FUT8: variants seen among roughly 807,000 people sequenced by gnomAD.
The protein encoded by FUT8 is fucosyltransferase 8.
A neutral mutation model predicts 71.3 loss-of-function variants in FUT8; 29 were observed. That is an observed-to-expected ratio of 0.41 (90% CI 0.30 to 0.55). FUT8 has a LOEUF of 0.55. Ranked by LOEUF, FUT8 falls within the 20% of genes least tolerant of loss-of-function variation. The probability of loss-of-function intolerance (pLI) is 0.34; values close to 1 mark genes in which losing one functional copy is unlikely to be tolerated. For synonymous variants in FUT8, 254 were observed against 239.3 expected (o/e 1.06, Z -0.57); for missense variants, 544 against 702.1 (o/e 0.77, Z 2.55).
Position 65,561,373 on chromosome 14 carries a change from C to T in FUT8, c.-191C>T. 1 of 602,864 alleles carries T rather than the reference C, an allele frequency of 1.7e-6. No individual in the cohort carries two copies. Among genetic ancestry groups the T allele is most frequent in the South Asian group, 2.0e-5 (1 of 49,346 alleles). The allele number at this position is 602,864 out of a possible 1,614,324, so 37.3% of individuals were successfully genotyped here. On this transcript the variant is annotated 5_prime_UTR_variant, in exon 3 of 11. Coordinates refer to ENST00000673929, the MANE Select transcript of FUT8 (RefSeq NM_001371533.1). Reference sequence around the variant, plus strand: ...CATGAAGTACAGGACAATAAAGCTTCCTACACATATCACCAGGAGGATCTC... The same window carrying T: ...CATGAAGTACAGGACAATAAAGCTTTCTACACATATCACCAGGAGGATCTC...
chr14:65,694,992 A>G (rs1893917131), intron 7 of FUT8, among the ~76,000 whole-genome samples: 1 of 152,116 alleles, frequency 6.6e-6, no homozygotes, highest in Admixed American at 6.5e-5. Context: ...ATGTATACAT[A>G]TGTAACTAAC....
At chr14:65,509,591 T>A (rs893560493) in intron 2 of FUT8, among the ~76,000 whole-genome samples, 1 of 152,174 alleles carries the variant, frequency 6.6e-6, no homozygotes, top group African/African-American at 2.4e-5. Context: ...CTCTTCAATT[T>A]CTTTCATCAA....
chr14:65,610,784 A>G (rs1888846099), intron 3 of FUT8, among the ~76,000 whole-genome samples: 1 of 151,790 alleles, frequency 6.6e-6, no homozygotes, highest in Non-Finnish European at 1.5e-5. Context: ...ATTTTGTTTA[A>G]AAAAAATTTT....
the FUT8 span, among the ~76,000 whole-genome samples, chr14:65,361,574 G>T: frequency 6.6e-6 from 1 of 151,624 alleles, no homozygotes; most frequent in Non-Finnish European, 1.5e-5. Context: ...GATCACCTGA[G>T]GTCAGGAGTT....
intron 7 of FUT8, among the ~76,000 whole-genome samples, chr14:65,702,074 G>A (rs991429363): frequency 2.0e-5 from 3 of 152,214 alleles, no homozygotes; most frequent in African/African-American, 7.2e-5. Context: ...GGCCGGGCGT[G>A]GTGGCTCACG....
chr14:65,740,700 A>G lies in FUT8; in HGVS notation c.1411-1393A>G, dbSNP rs1035771563. ...GGGAGGTGCCACATATTTTTAAACAATCAGATCTCACGAGAACTCACTACT... is the reference window on the plus strand; with the variant it reads ...GGGAGGTGCCACATATTTTTAAACAGTCAGATCTCACGAGAACTCACTACT... On this transcript the variant is annotated intron_variant, in intron 10 of 10. Coordinates refer to ENST00000673929, the MANE Select transcript of FUT8 (RefSeq NM_001371533.1). 9.9e-5 allele frequency among the ~76,000 whole-genome samples: 15 copies of G among 152,038 alleles called. 1 individual carries two copies. The highest frequency in any genetic ancestry group is 3.4e-4 in the African/African-American group (14 of 41,504).
rs577453151 is a variant in FUT8, at chr14:65,650,179, A to G, written c.598-19064A>G. On this transcript the variant is annotated intron_variant, in intron 6 of 10. Coordinates refer to ENST00000673929, the MANE Select transcript of FUT8 (RefSeq NM_001371533.1). ...CCGGGCGTGGTGGCACGCGCCTGTA[A>G]TCCCAGCTACTCGGGAGGCTGAGGC... Among the ~76,000 whole-genome samples the G allele has an allele frequency of 1.2e-4, 18 of 151,906 alleles. No individual in the cohort carries two copies. In the South Asian group the frequency reaches 2.9e-3, roughly 25 times the overall value.
chr14:65,732,421 C>G (rs1535173), intron 9 of FUT8, among the ~76,000 whole-genome samples: 55,523 of 152,090 alleles, frequency 0.37, 12,358 homozygotes, highest in Non-Finnish European at 0.5. Context: ...TTTTGGAATA[C>G]TGTTTGGAAG....
chr14:65,554,063 A>G (rs1436220864), intron 2 of FUT8, among the ~76,000 whole-genome samples: 1 of 152,062 alleles, frequency 6.6e-6, no homozygotes, highest in Non-Finnish European at 1.5e-5. Flanking sequence ...ATATTATACT[A>G]CAGCTTTAAA....
intron 2 of FUT8, among the ~76,000 whole-genome samples, chr14:65,507,109 G>C (rs562078300): frequency 4.6e-5 from 7 of 152,288 alleles, no homozygotes; most frequent in African/African-American, 1.7e-4. Context: ...GACTTTCCAA[G>C]TAAAAAGCCC....
chr14:65,661,297 G>A (rs1891951234), intron 6 of FUT8, among the ~76,000 whole-genome samples: 1 of 150,604 alleles, frequency 6.6e-6, no homozygotes, highest in South Asian at 2.1e-4. Flanking sequence ...AGTGGACAGT[G>A]GATCAAGAGC....
At chr14:65,673,848 A>C (rs948623529) in intron 7 of FUT8, among the ~76,000 whole-genome samples, 1 of 152,192 alleles carries the variant, frequency 6.6e-6, no homozygotes, top group Non-Finnish European at 1.5e-5. Context: ...ATTTCAGATG[A>C]CTTTTTTGTT....
chr14:65,547,213 T>G (rs781444960), intron 2 of FUT8, among the ~76,000 whole-genome samples: 133 of 151,772 alleles, frequency 8.8e-4, no homozygotes, highest in Non-Finnish European at 1.6e-3. Flanking sequence ...TTTTCATTGA[T>G]TTTTCTTTGT....
At chr14:65,733,177 C>T in intron 9 of FUT8, 54 bp from the exon 10 acceptor site, 1 of 1,153,620 alleles carries the variant, frequency 8.7e-7, no homozygotes, top group Non-Finnish European at 1.2e-6. Flanking sequence ...AGTCTGCCTT[C>T]TGATAGGATA....
the FUT8 span, among the ~76,000 whole-genome samples, chr14:65,384,355 C>T: frequency 1.3e-5 from 2 of 152,038 alleles, no homozygotes; most frequent in African/African-American, 4.8e-5. The surrounding 1 kb of genome is among the most constrained non-coding windows in gnomAD (Gnocchi z 4.2). Context: ...CTCAAGTGAT[C>T]CTCCTGCTTC....
At chr14:65,542,565 A>G (rs2139967324) in intron 2 of FUT8, among the ~76,000 whole-genome samples, 1 of 152,330 alleles carries the variant, frequency 6.6e-6, no homozygotes, top group African/African-American at 2.4e-5. Flanking sequence ...CCATTATGAT[A>G]TTCTTCATAC....
At chr14:65,569,057 T>C (rs1249682449) in intron 3 of FUT8, among the ~76,000 whole-genome samples, 2 of 151,860 alleles carry the variant, frequency 1.3e-5, no homozygotes, top group Admixed American at 6.6e-5. Flanking sequence ...AACATGTCAT[T>C]TCATTGATTC....
Position 65,643,945 on chromosome 14 carries a change from A to G in FUT8, c.597+14339A>G, listed in dbSNP as rs1204280560. On this transcript the variant is annotated intron_variant, in intron 6 of 10. Coordinates refer to ENST00000673929, the MANE Select transcript of FUT8 (RefSeq NM_001371533.1). This position sits in a 1 kb window ranked among gnomAD's most constrained non-coding sequence, Gnocchi z 4.5. ...TTTTCAAGAAATGGCAGGTTTCGCT[A>G]TAGTTCGACTCTGATCTAAGTCACA... Among the ~76,000 whole-genome samples, 2 of 152,102 alleles carry G rather than the reference A, an allele frequency of 1.3e-5. No individual in the cohort carries two copies. The highest frequency in any genetic ancestry group is 2.4e-5 in the African/African-American group (1 of 41,398).
intron 3 of FUT8, among the ~76,000 whole-genome samples, chr14:65,594,477 G>A (rs1385649836): frequency 1.3e-5 from 2 of 152,200 alleles, no homozygotes; most frequent in African/African-American, 2.4e-5. Context: ...AGACATCAGT[G>A]TGTTATCAGC....
Sources: gnomAD v4.1 joint callset for allele counts (sites outside exome capture counted in the v4.1 genomes callset) on GRCh38, gnomAD v4.1.1 for gene constraint, Gnocchi (gnomAD v3.1) non-coding constraint, MANE v1.5 for transcripts, NCBI Gene and HGNC (gene_info 2026-07-23, HGNC 2026-07-21) for gene names.